The following DLGAP1 variants were observed in gnomAD, a reference collection of about 807,000 sequenced individuals.
DLGAP1 encodes DLG associated protein 1, also known as disks large-associated protein 1.
A neutral mutation model predicts 90.8 loss-of-function variants in DLGAP1; 11 were observed. The ratio of observed to expected loss-of-function variants is 0.12; its 90% confidence interval spans 0.08 to 0.20. The LOEUF is 0.20. Ranked by LOEUF, DLGAP1 falls within the 10% of genes least tolerant of loss-of-function variation. The pLI is 1.00. For missense variants in DLGAP1, 1,050 were observed against 1,333.8 expected (o/e 0.79, Z 3.31); for synonymous variants, 558 against 540.7 (o/e 1.03, Z -0.44).
intron 6 of DLGAP1, among the ~76,000 whole-genome samples, chr18:3,732,231 A>G (rs1219289126): frequency 1.3e-5 from 2 of 152,150 alleles, no homozygotes; most frequent in Non-Finnish European, 2.9e-5. Flanking sequence ...CAGAGATTTG[A>G]TCAGCTTCAG....
intron 7 of DLGAP1, among the ~76,000 whole-genome samples, chr18:3,664,390 G>A (rs879260264): frequency 6.6e-6 from 1 of 152,084 alleles, no homozygotes; most frequent in African/African-American, 2.4e-5. Context: ...TCCACATTGG[G>A]GTAATAAGGT....
At position 3,881,934 on chromosome 18, in the gene DLGAP1, A is replaced by G. The variant is rs570945720; in HGVS notation, c.-72-1794T>C. Among the ~76,000 whole-genome samples the G allele has an allele frequency of 4.6e-5, 7 of 152,188 alleles. No homozygotes were observed. The East Asian group carries it at 1.4e-3, about 29-fold the overall frequency. ...TCTGTCTCAGAACAAACAAACAAAC[A>G]CTAAGATGAATAATAGAAGCCAATG... is the stretch of plus-strand genomic sequence containing the variant. On this transcript the variant is annotated intron_variant, in intron 3 of 12. Coordinates refer to ENST00000315677, the MANE Select transcript of DLGAP1 (RefSeq NM_004746.4).
chr18:3,738,427 A>C (rs1027287099), intron 6 of DLGAP1, among the ~76,000 whole-genome samples: 4 of 147,756 alleles, frequency 2.7e-5, no homozygotes, highest in African/African-American at 1.0e-4. Context: ...CAAAACAGAG[A>C]TATAGATCAA....
chr18:3,970,943 GGT>G (rs1279130991), intron 3 of DLGAP1, among the ~76,000 whole-genome samples: 1 of 152,100 alleles, frequency 6.6e-6, no homozygotes, highest in Non-Finnish European at 1.5e-5. Context: ...CTCTGGGCTA[GGT>G]ATGCATTTAT....
At chr18:4,446,989 A>G (rs575372407) in intron 1 of DLGAP1, among the ~76,000 whole-genome samples, 2 of 152,360 alleles carry the variant, frequency 1.3e-5, no homozygotes. Flanking sequence ...ATATCATTTC[A>G]TATCCATAAG....
intron 7 of DLGAP1, among the ~76,000 whole-genome samples, chr18:3,700,215 C>G (rs2111538): frequency 0.26 from 40,010 of 152,022 alleles, 5,970 homozygotes; most frequent in East Asian, 0.45. Context: ...TAAATAGCCA[C>G]CCAGTTTTTG....
chr18:4,096,372 A>G (rs2075679171), intron 2 of DLGAP1, among the ~76,000 whole-genome samples: 1 of 152,206 alleles, frequency 6.6e-6, no homozygotes, highest in Non-Finnish European at 1.5e-5. Flanking sequence ...AGAAAAGTAA[A>G]GAAGCTATTT....
At chr18:4,278,979 C>A (rs2079484641) in intron 1 of DLGAP1, among the ~76,000 whole-genome samples, 2 of 152,134 alleles carry the variant, frequency 1.3e-5, no homozygotes, top group South Asian at 4.1e-4. Flanking sequence ...AAAAAATATT[C>A]CTGACCTTGG....
chr18:3,930,133 C>CT (rs2072483956), intron 3 of DLGAP1, among the ~76,000 whole-genome samples: 1 of 152,156 alleles, frequency 6.6e-6, no homozygotes, highest in Non-Finnish European at 1.5e-5. Context: ...TTAATGCATA[C>CT]TTTTTTATTT....
intron 1 of DLGAP1, among the ~76,000 whole-genome samples, chr18:4,268,350 T>C (rs1272385742): frequency 1.3e-5 from 2 of 152,196 alleles, no homozygotes; most frequent in Non-Finnish European, 2.9e-5. Flanking sequence ...TTCTACAGTG[T>C]AGTTAAATAG....
chr18:3,816,443 G>A (rs1820533908), intron 4 of DLGAP1, among the ~76,000 whole-genome samples: 1 of 152,118 alleles, frequency 6.6e-6, no homozygotes, highest in Non-Finnish European at 1.5e-5. Flanking sequence ...TAATTCACCT[G>A]TATAACTGGA....
chr18:4,435,937 C>T (rs938803099), intron 1 of DLGAP1, among the ~76,000 whole-genome samples: 1 of 152,056 alleles, frequency 6.6e-6, no homozygotes, highest in Non-Finnish European at 1.5e-5. Context: ...TAAGCAGATG[C>T]GCACACAGGT....
intron 1 of DLGAP1, among the ~76,000 whole-genome samples, chr18:4,452,589 A>G (rs2083861954): frequency 6.6e-6 from 1 of 152,218 alleles, no homozygotes; most frequent in Non-Finnish European, 1.5e-5. Context: ...AGGACACTTA[A>G]GCTTAGAAGG....
At chr18:3,580,733 A>G (rs2055448255) in intron 8 of DLGAP1, 14 of 1,613,628 alleles carry the variant, frequency 8.7e-6, no homozygotes, top group Admixed American at 5.0e-5. Context: ...GGACCAGGAC[A>G]GCCACGCACC....
chr18:4,086,768 T>C (rs1214406212), intron 2 of DLGAP1, among the ~76,000 whole-genome samples: 1 of 152,062 alleles, frequency 6.6e-6, no homozygotes, highest in Non-Finnish European at 1.5e-5. Context: ...TGTATATTCT[T>C]TTTAAGTCAG....
intron 1 of DLGAP1, among the ~76,000 whole-genome samples, chr18:4,425,240 C>G (rs1245234246): frequency 6.6e-6 from 1 of 152,144 alleles, no homozygotes; most frequent in Admixed American, 6.5e-5. Flanking sequence ...AAGCAACATA[C>G]TTTACATTAT....
chr18:3,919,714 C>A lies in DLGAP1; in HGVS notation c.-72-39574G>T, dbSNP rs533606617. On this transcript the variant is annotated intron_variant, in intron 3 of 12. Transcript: ENST00000315677. Reference sequence around the variant, plus strand: ...GTAAAGTGCTTCATCTATGTTATTTCACTTAATCTTGATAGCAGTTCTACA... The same window carrying A: ...GTAAAGTGCTTCATCTATGTTATTTAACTTAATCTTGATAGCAGTTCTACA... Among the ~76,000 whole-genome samples the A allele has an allele frequency of 2.0e-5, 3 of 152,354 alleles. No individual in the cohort carries two copies. The East Asian group carries it at 5.8e-4, about 29-fold the overall frequency.
At chr18:4,353,844 T>G (rs1257528523) in intron 1 of DLGAP1, among the ~76,000 whole-genome samples, 1 of 152,128 alleles carries the variant, frequency 6.6e-6, no homozygotes, top group East Asian at 1.9e-4. Flanking sequence ...TTTAGGCACT[T>G]TGAAATCACT....
intron 1 of DLGAP1, chr18:4,293,516 T>G (rs1164624277): frequency 6.6e-6 from 1 of 152,216 alleles, no homozygotes; most frequent in Non-Finnish European, 1.5e-5. Context: ...GATTTCTGTA[T>G]GCAAAGACAA....
Sources: gnomAD v4.1 joint callset for allele counts (sites outside exome capture counted in the v4.1 genomes callset) on GRCh38, gnomAD v4.1.1 for gene constraint, MANE v1.5 for transcripts, NCBI Gene and HGNC (gene_info 2026-07-23, HGNC 2026-07-21) for gene names.